Variants in PRSS23 observed in about 807,000 individuals in gnomAD.
PRSS23 encodes serine protease 23.
PRSS23 carries 25 observed loss-of-function variants against 34.7 expected under a neutral mutation model. The ratio of observed to expected loss-of-function variants is 0.72; its 90% CI spans 0.53 to 1.01. The LOEUF is 1.01. PRSS23 is among the 50% of genes least tolerant of loss of function. PRSS23 has a pLI of 0.00. For missense variants in PRSS23, 445 were observed against 475.6 expected, an observed-to-expected ratio of 0.94 and a Z score of 0.60; for synonymous variants, 176 against 186.6, an observed-to-expected ratio of 0.94 and a Z score of 0.46.
downstream of PRSS23, among the ~76,000 whole-genome samples, chr11:86,813,428 A>G (rs1948194088): frequency 6.6e-6 from 1 of 152,218 alleles, no homozygotes; most frequent in Admixed American, 6.5e-5. Context: ...GATAGATTCC[A>G]GCCAGCTCAT....
At chr11:86,802,522 G>A (rs974333197) in intron 1 of PRSS23, among the ~76,000 whole-genome samples, 1 of 152,178 alleles carries the variant, frequency 6.6e-6, no homozygotes, top group Non-Finnish European at 1.5e-5. Context: ...TGATTTCACC[G>A]TTCCATATCA....
chr11:86,859,795 A>G (rs1948600115), intron 2 of PRSS23, among the ~76,000 whole-genome samples: 1 of 151,704 alleles, frequency 6.6e-6, no homozygotes, highest in Non-Finnish European at 1.5e-5. Flanking sequence ...TTCCTAATAT[A>G]CAGGGTGGGG....
chr11:86,806,326 C>T (rs1293851266), intron 1 of PRSS23, among the ~76,000 whole-genome samples: 2 of 152,190 alleles, frequency 1.3e-5, no homozygotes, highest in Non-Finnish European at 1.5e-5. Context: ...CTTATGTTAT[C>T]AGACTTCTTT....
At chr11:86,814,993 G>C (rs1948205286), downstream of PRSS23, among the ~76,000 whole-genome samples, 1 of 152,202 alleles carries the variant, frequency 6.6e-6, no homozygotes, top group Non-Finnish European at 1.5e-5. Flanking sequence ...GCTATTAAAA[G>C]GACTAAGGCC....
At chr11:86,902,538 T>C (rs1948918465) in intron 2 of PRSS23, among the ~76,000 whole-genome samples, 1 of 152,200 alleles carries the variant, frequency 6.6e-6, no homozygotes, top group Non-Finnish European at 1.5e-5. Context: ...AGAAATTGGA[T>C]AATTGGTGAG....
rs534551027 is a variant in PRSS23 at position 86,857,355 on chromosome 11, CA to C, written c.206+33766del. 1,791 of 274,888 alleles carry C rather than the reference CA, an allele frequency of 6.5e-3. 13 individuals carry two copies. The highest frequency in any genetic ancestry group is 8.9e-3 in the Non-Finnish European group (1,309 of 146,782). 17.0% of individuals were successfully genotyped at this position (274,888 alleles called of 1,614,324 possible). ...TGGAGGAGACAATTTTATAGTAAGA[CA>C]AAAGGATCCCTGAAATGGGAAGAAA... On this transcript the variant is annotated intron_variant, in intron 2 of 2. Transcript: ENST00000533902.
intron 2 of PRSS23, among the ~76,000 whole-genome samples, chr11:86,851,905 C>T (rs1442053612): frequency 1.3e-5 from 2 of 152,132 alleles, no homozygotes; most frequent in Non-Finnish European, 1.5e-5. Flanking sequence ...AAAAGGACAA[C>T]CATTGGTGGG....
intron 2 of PRSS23, among the ~76,000 whole-genome samples, chr11:86,858,508 G>A (rs1189459568): frequency 6.6e-6 from 1 of 151,886 alleles, no homozygotes; most frequent in African/African-American, 2.4e-5. Context: ...CCGCCCCTAT[G>A]ATATTGTTCC....
intron 2 of PRSS23, chr11:86,911,549 C>T (rs1948977982): frequency 6.6e-6 from 1 of 152,106 alleles, no homozygotes; most frequent in African/African-American, 2.4e-5. Context: ...TGATTAGCTT[C>T]CACTTATAAT....
At chr11:86,831,406 T>C (rs1294312599) in intron 2 of PRSS23, among the ~76,000 whole-genome samples, 3 of 151,958 alleles carry the variant, frequency 2.0e-5, no homozygotes, top group Admixed American at 2.0e-4. Context: ...TGTAATATCC[T>C]AGTGGGATGA....
At chr11:86,821,394 T>C (rs1308529574) in intron 1 of PRSS23, 1 of 1,325,626 alleles carries the variant, frequency 7.5e-7, no homozygotes, top group East Asian at 2.3e-5. Context: ...ATGCTAACCC[T>C]GCTGGGAAAA....
chr11:86,934,087 C>T (rs953540222), intron 2 of PRSS23: 1 of 152,142 alleles, frequency 6.6e-6, no homozygotes, highest in Non-Finnish European at 1.5e-5. Flanking sequence ...TTTCATATGT[C>T]CTGTTTCATT....
intron 2 of PRSS23, among the ~76,000 whole-genome samples, chr11:86,903,481 C>CTTTTTTT (rs10688682): frequency 8.0e-6 from 1 of 124,942 alleles, no homozygotes; most frequent in Non-Finnish European, 1.6e-5. Context: ...AACATACAAT[C>CTTTTTTT]TTTTTTTTTT....
intron 2 of PRSS23, among the ~76,000 whole-genome samples, chr11:86,928,027 C>A (rs1366411067): frequency 1.3e-5 from 2 of 151,286 alleles, no homozygotes; most frequent in Admixed American, 6.6e-5. Flanking sequence ...ATATTAAGCT[C>A]TTTGATCATC....
At chr11:86,793,710 C>T (rs913189155) in intron 1 of PRSS23, among the ~76,000 whole-genome samples, 1 of 151,940 alleles carries the variant, frequency 6.6e-6, no homozygotes, top group Admixed American at 6.6e-5. Context: ...ATATTTTTAA[C>T]CAATTAGAAT....
chr11:86,795,529 TGGATCATCTTCCCGTAA>T, upstream of PRSS23, among the ~76,000 whole-genome samples: 1 of 152,370 alleles, frequency 6.6e-6, no homozygotes, highest in Non-Finnish European at 1.5e-5. Context: ...AAAAATGATG[TGGATCATCTTCCCGTAA>T]GGATTACTAT....
At chr11:86,923,791 A>C (rs960981483) in intron 2 of PRSS23, among the ~76,000 whole-genome samples, 1 of 152,216 alleles carries the variant, frequency 6.6e-6, no homozygotes, top group African/African-American at 2.4e-5. Context: ...GAAGTTAAGA[A>C]ACTTGGCTAA....
intron 1 of PRSS23, chr11:86,823,229 A>C: frequency 1.6e-6 from 1 of 610,458 alleles, no homozygotes; most frequent in Admixed American, 2.8e-5. Flanking sequence ...TAGTATTCCT[A>C]ATCTGTAAAA....
At chr11:86,800,267 A>G (rs750057853), upstream of PRSS23, 4 of 180,276 alleles carry the variant, frequency 2.2e-5, no homozygotes, top group Admixed American at 6.5e-5. Flanking sequence ...AGAGCCCGCC[A>G]GAGCCGGTGC....
Sources: allele counts gnomAD v4.1 joint callset (sites outside exome capture counted in the v4.1 genomes callset), GRCh38; gene constraint gnomAD v4.1.1; transcripts MANE v1.5; gene names NCBI Gene and HGNC (gene_info 2026-07-23, HGNC 2026-07-21).